The following SDR9C7 variants were observed in gnomAD, a reference collection of about 807,000 sequenced individuals.
SDR9C7 encodes the protein short chain dehydrogenase/reductase family 9C member 7, also known as short-chain dehydrogenase/reductase family 9C member 7.
In SDR9C7, 11 loss-of-function variants were observed where a neutral mutation model predicts 23.6. That is an observed-to-expected ratio of 0.47 (90% CI 0.29 to 0.77). SDR9C7 has a LOEUF of 0.77. Among genes scored for constraint, SDR9C7 ranks in the 30% least tolerant of loss-of-function variants. The pLI is 0.09. For synonymous variants in SDR9C7, 167 were observed against 157.3 expected, an observed-to-expected ratio of 1.06 and a Z score of -0.46; for missense variants, 387 against 407.1, an observed-to-expected ratio of 0.95 and a Z score of 0.42.
At position 56,923,194 on chromosome 12, in the gene SDR9C7, G is replaced by C. The variant is rs1344534171; in HGVS notation, c.*639C>G. 3.3e-5 allele frequency: 5 copies of C among 152,062 alleles called. No individual in the cohort carries two copies. The highest frequency in any genetic ancestry group is 1.2e-4 in the African/African-American group (5 of 41,372). 9.4% of individuals were successfully genotyped at this position (152,062 alleles called of 1,614,324 possible). On this transcript the variant is annotated 3_prime_UTR_variant, in exon 4 of 4. Coordinates refer to ENST00000293502, the MANE Select transcript of SDR9C7 (RefSeq NM_148897.3). ...TTTATATTCCCCCAGCACCTACAAAGTGCCCGGTAGGTAGTAGGCACTCAA... is the reference window on the plus strand; with the variant it reads ...TTTATATTCCCCCAGCACCTACAAACTGCCCGGTAGGTAGTAGGCACTCAA...
intron 3 of SDR9C7, among the ~76,000 whole-genome samples, chr12:56,926,612 T>G (rs1200591195): frequency 6.6e-6 from 1 of 152,212 alleles, no homozygotes; most frequent in African/African-American, 2.4e-5. Context: ...TGCATTTCTG[T>G]TTAATTCTCC....
intron 3 of SDR9C7, among the ~76,000 whole-genome samples, chr12:56,926,283 C>G (rs1160924348): frequency 6.6e-6 from 1 of 152,158 alleles, no homozygotes. Context: ...CACATAGCCA[C>G]CCCCCACCAC....
intron 3 of SDR9C7, 69 bp from the exon 4 acceptor site, chr12:56,924,119 A>C (rs7314055): frequency 7.2e-6 from 8 of 1,118,386 alleles, no homozygotes; most frequent in Non-Finnish European, 7.8e-6. Flanking sequence ...TCCGAATTCC[A>C]TCCAAGTTCC....
intron 2 of SDR9C7, 79 bp downstream of exon 2, chr12:56,930,147 G>A: frequency 2.6e-6 from 4 of 1,517,754 alleles, no homozygotes; most frequent in Non-Finnish European, 2.7e-6. Context: ...GAATTCCCCT[G>A]CCCACATGCT....
chr12:56,926,027 G>A (rs576684066), intron 3 of SDR9C7, among the ~76,000 whole-genome samples: 2 of 152,338 alleles, frequency 1.3e-5, no homozygotes, highest in African/African-American at 2.4e-5. Flanking sequence ...GGAGTAGGAT[G>A]GGAGACGGAA....
At chr12:56,929,223 A>G (rs1288533575) in intron 3 of SDR9C7, among the ~76,000 whole-genome samples, 167 bp downstream of exon 3, 3 of 152,056 alleles carry the variant, frequency 2.0e-5, no homozygotes, top group Non-Finnish European at 4.4e-5. Flanking sequence ...AGAAGTGATG[A>G]TTCTGCCACT....
At chr12:56,932,670 A>C (rs1452580488) in intron 1 of SDR9C7, among the ~76,000 whole-genome samples, 3 of 152,202 alleles carry the variant, frequency 2.0e-5, no homozygotes, top group Non-Finnish European at 2.9e-5. Flanking sequence ...ACTCTTGCTG[A>C]ATTATTAATT....
At chr12:56,925,068 G>A (rs1195806684) in intron 3 of SDR9C7, among the ~76,000 whole-genome samples, 1 of 151,748 alleles carries the variant, frequency 6.6e-6, no homozygotes, top group Non-Finnish European at 1.5e-5. Context: ...ACAAAAACAT[G>A]CAGGAGAAAA....
chr12:56,931,015 T>C (rs567674858), intron 1 of SDR9C7, among the ~76,000 whole-genome samples: 2 of 152,222 alleles, frequency 1.3e-5, no homozygotes, highest in South Asian at 4.2e-4. Flanking sequence ...GAGGATCACT[T>C]GAGGCCAGGA....
At position 56,930,498 on chromosome 12, in the gene SDR9C7, G is replaced by A. The variant is rs1436918108; in HGVS notation, c.302-14C>T. 1 of 1,612,852 alleles carries A rather than the reference G, an allele frequency of 6.2e-7. No homozygotes were observed. The highest frequency in any genetic ancestry group is 1.1e-5 in the South Asian group (1 of 90,994). ...GGGCCCAGAGGCCTGGGGGTGAGAT[G>A]AACCACACAGAAATCATCAGTGGGC... On this transcript the variant is annotated splice_polypyrimidine_tract_variant and intron_variant, in intron 1 of 3. Transcript: ENST00000293502.
Position 56,934,356 on chromosome 12 carries a change from A to C in SDR9C7, c.-95T>G, listed in dbSNP as rs919850604. ...GAGCCCTAGCAGGCAGTCTGCAGGA[A>C]ACCACCTGGAAGAAGAACTCTCCTT... On this transcript the variant is annotated 5_prime_UTR_variant, in exon 1 of 4. Coordinates refer to ENST00000293502, the MANE Select transcript of SDR9C7 (RefSeq NM_148897.3). 203 of 1,043,720 alleles carry C rather than the reference A, an allele frequency of 1.9e-4. No individual in the cohort carries two copies. In the Middle Eastern group the frequency reaches 2.6e-3, roughly 13 times the overall value. The allele number at this position is 1,043,720 out of a possible 1,614,324, so 64.7% of individuals were successfully genotyped here.
intron 3 of SDR9C7, among the ~76,000 whole-genome samples, chr12:56,927,687 T>C (rs1416158103): frequency 6.6e-6 from 1 of 152,028 alleles, no homozygotes; most frequent in Non-Finnish European, 1.5e-5. Flanking sequence ...TGGAAATAAC[T>C]CTCCTATTTT....
intron 1 of SDR9C7, 140 bp downstream of exon 1, chr12:56,933,821 G>T: frequency 9.9e-7 from 1 of 1,005,504 alleles, no homozygotes; most frequent in Non-Finnish European, 1.4e-6. Flanking sequence ...CTTCCAATCA[G>T]ATTGAGGCAG....
In SDR9C7 at chr12:56,934,361, C is replaced by T; in HGVS notation, c.-100G>A. The stretch of plus-strand genomic sequence containing the variant: ...CTAGCAGGCAGTCTGCAGGAAACCA[C>T]CTGGAAGAAGAACTCTCCTTCCTCC... On this transcript the variant is annotated 5_prime_UTR_variant, in exon 1 of 4. It adds an upstream start codon to the 5' untranslated region. Coordinates refer to ENST00000293502, the MANE Select transcript of SDR9C7 (RefSeq NM_148897.3). 2 of 1,011,210 alleles carry T rather than the reference C, an allele frequency of 2.0e-6. No homozygotes were observed. The highest frequency in any genetic ancestry group is 3.1e-5 in the South Asian group (2 of 63,644). The allele number at this position is 1,011,210 out of a possible 1,614,324, so 62.6% of individuals were successfully genotyped here.
chr12:56,930,228 T>C lies in SDR9C7; in HGVS notation c.558A>G (p.Ile186Met). Residue 186 changes from isoleucine to methionine, a missense_variant and splice_region_variant, in exon 2 of 4, where the codon ATA becomes ATG. By Grantham distance (10) the Ile-to-Met change is conservative (BLOSUM62 1). Coordinates refer to ENST00000293502, the MANE Select transcript of SDR9C7 (RefSeq NM_148897.3). ...KFGVEAFSDS[I>M]RRELYYFGVK... is the part of the protein sequence containing the mutation. ...GTTCAGTACCAGGGCCCAGTTACCT[T>C]ATGCTGTCAGAGAAGGCCTCAACGC... 3.7e-6 allele frequency: 6 copies of C among 1,613,980 alleles called. No individual in the cohort carries two copies. Among genetic ancestry groups the C allele is most frequent in the East Asian group, 4.5e-5 (2 of 44,874 alleles).
chr12:56,926,440 C>T (rs1378999337), intron 3 of SDR9C7, among the ~76,000 whole-genome samples: 1 of 152,152 alleles, frequency 6.6e-6, no homozygotes, highest in Admixed American at 6.5e-5. Context: ...TCTCTAATGC[C>T]TTTAGGATAA....
At position 56,930,256 on chromosome 12, in the gene SDR9C7, A is replaced by G. The variant is rs757025547; in HGVS notation, c.530T>C (p.Phe177Ser). 1 of 1,614,030 alleles carries G rather than the reference A, an allele frequency of 6.2e-7. No individual in the cohort carries two copies. The highest frequency in any genetic ancestry group is 1.1e-5 in the South Asian group (1 of 91,056). The change falls in exon 2 of 4, where the codon TTT becomes TCT. Residue 177 changes from phenylalanine (F) to serine (S), a missense_variant. By Grantham distance (155) the Phe-to-Ser change is radical (BLOSUM62 -2). Coordinates refer to ENST00000293502, the MANE Select transcript of SDR9C7 (RefSeq NM_148897.3). Reference protein sequence around the residue: ...VIGGGYCVSKFGVEAFSDSIR... With the variant: ...VIGGGYCVSKSGVEAFSDSIR... ...GCTGTCAGAGAAGGCCTCAACGCCA[A>G]ACTTGGAGACGCAGTAGCCACCACC... is the stretch of plus-strand genomic sequence containing the variant.
intron 3 of SDR9C7, among the ~76,000 whole-genome samples, chr12:56,928,957 A>C (rs58267004): frequency 0.13 from 20,521 of 152,192 alleles, 1,417 homozygotes; most frequent in East Asian, 0.2. Context: ...CCCATGAGGG[A>C]GGCACTATCT....
chr12:56,929,686 T>C, intron 2 of SDR9C7, 133 bp from the exon 3 acceptor site: 2 of 1,072,556 alleles, frequency 1.9e-6, no homozygotes, highest in Non-Finnish European at 1.3e-6. Flanking sequence ...TGGCATTGCC[T>C]TTGTGCAAAT....
Sources: allele counts gnomAD v4.1 joint callset (sites outside exome capture counted in the v4.1 genomes callset), GRCh38; gene constraint gnomAD v4.1.1; transcripts MANE v1.5; gene names NCBI Gene and HGNC (gene_info 2026-07-23, HGNC 2026-07-21).